Variants in SCNN1B observed in about 807,000 individuals in gnomAD.
SCNN1B encodes the protein sodium channel epithelial 1 subunit beta, also known as epithelial sodium channel subunit beta.
In SCNN1B, 46 loss-of-function variants were observed where a neutral mutation model predicts 65.3. The observed-to-expected ratio is 0.70, with a 90% CI of 0.56 to 0.90. SCNN1B has a LOEUF of 0.90. Ranked by LOEUF, SCNN1B falls within the 40% of genes least tolerant of loss-of-function variation. The pLI, the probability that SCNN1B is intolerant of heterozygous loss-of-function variation, is 0.00. For synonymous variants in SCNN1B, 349 were observed against 330.6 expected (o/e 1.06, Z -0.60); for missense variants, 751 against 830.5 (o/e 0.90, Z 1.18).
chr16:23,289,192 G>C (rs546773226), intron 2 of SCNN1B, among the ~76,000 whole-genome samples: 87 of 152,302 alleles, frequency 5.7e-4, no homozygotes, highest in African/African-American at 2.0e-3. Flanking sequence ...GATGACTGAG[G>C]AGTGTCACTC....
intron 1 of SCNN1B, among the ~76,000 whole-genome samples, chr16:23,320,977 C>T (rs963548882): frequency 1.1e-4 from 17 of 152,206 alleles, no homozygotes; most frequent in African/African-American, 4.1e-4. Flanking sequence ...GTGGTGGTGG[C>T]CGGATCTAGA....
At chr16:23,314,948 C>T (rs181680678) in intron 1 of SCNN1B, among the ~76,000 whole-genome samples, 3 of 152,286 alleles carry the variant, frequency 2.0e-5, no homozygotes, top group Admixed American at 6.5e-5. Flanking sequence ...AGGTGGGGAA[C>T]GCGTGGCCCA....
At chr16:23,342,539 G>A (rs1962074472) in intron 1 of SCNN1B, among the ~76,000 whole-genome samples, 1 of 152,148 alleles carries the variant, frequency 6.6e-6, no homozygotes, top group Non-Finnish European at 1.5e-5. Context: ...GAGCCACTGT[G>A]CCCAGCCTGC....
At chr16:23,306,821 G>A (rs1309254115) in intron 1 of SCNN1B, among the ~76,000 whole-genome samples, 1 of 152,216 alleles carries the variant, frequency 6.6e-6, no homozygotes, top group African/African-American at 2.4e-5. Context: ...AGTAGGGTGA[G>A]TAGGAGGAAA....
intron 1 of SCNN1B, among the ~76,000 whole-genome samples, chr16:23,322,261 C>T (rs1961604128): frequency 6.6e-6 from 1 of 152,142 alleles, no homozygotes; most frequent in Non-Finnish European, 1.5e-5. Flanking sequence ...ATACATACAA[C>T]ACAAGCCACA....
At chr16:23,296,426 G>A (rs570438820) in intron 2 of SCNN1B, among the ~76,000 whole-genome samples, 16 of 152,196 alleles carry the variant, frequency 1.1e-4, no homozygotes, top group South Asian at 4.1e-4. Context: ...GGATCTCTCC[G>A]GTCCCCTACC....
intron 2 of SCNN1B, among the ~76,000 whole-genome samples, chr16:23,288,486 GTC>G (rs1402733887): frequency 6.6e-6 from 1 of 152,136 alleles, no homozygotes; most frequent in African/African-American, 2.4e-5. Flanking sequence ...CTGCTTTGTG[GTC>G]TCTCATGGTG....
chr16:23,351,561 T>C (rs1202358737), intron 2 of SCNN1B, among the ~76,000 whole-genome samples: 1 of 152,246 alleles, frequency 6.6e-6, no homozygotes, highest in African/African-American at 2.4e-5. Context: ...CTCTGGCTGC[T>C]GTACACCTTT....
In SCNN1B at chr16:23,348,802, G is replaced by T; in HGVS notation, c.203G>T (p.Gly68Val). ...LFAALVCWQWGIFIRTYLSWE... is the reference protein window; with the variant it reads ...LFAALVCWQWVIFIRTYLSWE... ...GCCGCCCTCGTCTGCTGGCAGTGGG[G>T]CATCTTCATCAGGACCTACTTGAGC... The change falls in exon 2 of 13, where the codon GGC becomes GTC. Residue 68 changes from glycine (G) to valine (V), a missense_variant. Physicochemically the swap from Gly to Val is moderately radical, Grantham distance 109. Coordinates refer to ENST00000343070, the MANE Select transcript of SCNN1B (RefSeq NM_000336.3). The surrounding 1 kb of genome is among the most constrained non-coding windows in gnomAD (Gnocchi z 4.5). 1.2e-6 allele frequency: 2 copies of T among 1,614,172 alleles called. No individual in the cohort carries two copies. The highest frequency in any genetic ancestry group is 8.5e-7 in the Non-Finnish European group (1 of 1,180,032).
chr16:23,322,070 C>G (rs1210352634), intron 1 of SCNN1B, among the ~76,000 whole-genome samples: 22 of 152,078 alleles, frequency 1.4e-4, no homozygotes, highest in Non-Finnish European at 7.4e-5. Flanking sequence ...GTTATGTAAA[C>G]TGCCCCGACA....
chr16:23,308,991 A>T (rs79460383), intron 1 of SCNN1B, among the ~76,000 whole-genome samples: 5,116 of 152,138 alleles, frequency 0.034, 269 homozygotes, highest in African/African-American at 0.12. Flanking sequence ...TTCAAATGAG[A>T]TCTCCTCCAG....
chr16:23,320,138 C>T (rs778577662), intron 1 of SCNN1B, among the ~76,000 whole-genome samples: 17 of 152,114 alleles, frequency 1.1e-4, no homozygotes, highest in African/African-American at 3.4e-4. Context: ...CCAGCTTTTG[C>T]GTCTCTAACA....
intron 1 of SCNN1B, among the ~76,000 whole-genome samples, chr16:23,278,558 G>A (rs1022573879): frequency 2.6e-5 from 4 of 152,090 alleles, no homozygotes; most frequent in South Asian, 2.1e-4. Context: ...TTGCCAGGGG[G>A]TAGTGGGAGA....
chr16:23,304,590 C>T (rs60271835), intron 1 of SCNN1B, among the ~76,000 whole-genome samples: 39,209 of 152,060 alleles, frequency 0.26, 5,527 homozygotes, highest in African/African-American at 0.38. Context: ...ACAGAAGGAG[C>T]TGAGAACCAC....
chr16:23,353,730 G>A (rs1962360474), intron 3 of SCNN1B, among the ~76,000 whole-genome samples: 1 of 152,244 alleles, frequency 6.6e-6, no homozygotes, highest in South Asian at 2.1e-4. Context: ...TCAAAAGATA[G>A]GGGCATAAAT....
At chr16:23,283,226 C>G (rs533141727) in intron 1 of SCNN1B, among the ~76,000 whole-genome samples, 14 of 152,204 alleles carry the variant, frequency 9.2e-5, no homozygotes, top group Non-Finnish European at 1.6e-4. Context: ...GCCTGGCCAA[C>G]ATGGTGAAAC....
At chr16:23,289,810 G>A (rs962141691) in intron 2 of SCNN1B, among the ~76,000 whole-genome samples, 1 of 151,782 alleles carries the variant, frequency 6.6e-6, no homozygotes, top group Non-Finnish European at 1.5e-5. Context: ...TGAGTAGCTG[G>A]GATTACAGGC....
At chr16:23,377,920 C>T (rs1190631557) in intron 10 of SCNN1B, among the ~76,000 whole-genome samples, 1 of 152,120 alleles carries the variant, frequency 6.6e-6, no homozygotes, top group Non-Finnish European at 1.5e-5. Context: ...GAAATAAAAT[C>T]GTTTCAAAGT....
intron 1 of SCNN1B, among the ~76,000 whole-genome samples, chr16:23,335,799 C>T (rs73544408): frequency 0.065 from 9,856 of 151,970 alleles, 1,093 homozygotes; most frequent in African/African-American, 0.22. Flanking sequence ...GCTGTTCTAC[C>T]CTTTCTTTGC....
Sources: gnomAD v4.1 joint callset for allele counts (sites outside exome capture counted in the v4.1 genomes callset) on GRCh38, gnomAD v4.1.1 for gene constraint, Gnocchi (gnomAD v3.1) non-coding constraint, MANE v1.5 for transcripts, NCBI Gene and HGNC (gene_info 2026-07-23, HGNC 2026-07-21) for gene names.